Variants in SPATA9 observed in about 807,000 individuals in gnomAD.
SPATA9 encodes the protein spermatogenesis-associated protein 9.
In SPATA9, 27 loss-of-function variants were observed where a neutral mutation model predicts 25.5. The observed-to-expected ratio is 1.06, with a 90% CI of 0.78 to 1.46. The LOEUF (loss-of-function observed/expected upper bound fraction) is 1.46. SPATA9 is among the 40% of genes most tolerant of loss of function. The probability of loss-of-function intolerance (pLI) is 0.00; values close to 1 mark genes in which losing one functional copy is unlikely to be tolerated. For synonymous variants in SPATA9, 102 were observed against 105.7 expected (o/e 0.97, Z 0.21); for missense variants, 282 against 297.5 (o/e 0.95, Z 0.38).
Position 95,662,513 on chromosome 5 carries a change from C to T in SPATA9, c.474+1440G>A, listed in dbSNP as rs760284004. On this transcript the variant is annotated intron_variant, in intron 4 of 4. Transcript: ENST00000274432. ...GGTATCCTCCTGCTTCAGCCTCCCC[C>T]GTCAGCCTCCTGAGTAGCAGGGATT... Among the ~76,000 whole-genome samples the T allele has an allele frequency of 5.3e-4, 81 of 152,114 alleles. 2 individuals carry two copies. Among genetic ancestry groups the T allele is most frequent in the South Asian group, 2.1e-4 (1 of 4,826 alleles).
chr5:95,679,322 A>G (rs1227849174), intron 2 of SPATA9, among the ~76,000 whole-genome samples: 1 of 152,218 alleles, frequency 6.6e-6, no homozygotes, highest in Non-Finnish European at 1.5e-5. Flanking sequence ...CCAGGCATGT[A>G]CATCTGCCCA....
chr5:95,715,614 G>A, the SPATA9 span, among the ~76,000 whole-genome samples: 8 of 152,260 alleles, frequency 5.3e-5, no homozygotes, highest in Non-Finnish European at 8.8e-5. Context: ...ATACCTACAT[G>A]TGAGAGGCAA....
downstream of SPATA9, chr5:95,652,964 C>A: frequency 1.9e-6 from 2 of 1,030,976 alleles, no homozygotes; most frequent in South Asian, 1.8e-5. Context: ...TCTTCAGTGG[C>A]TTTCCTTTGC....
downstream of SPATA9, among the ~76,000 whole-genome samples, chr5:95,654,557 T>C (rs1284721559): frequency 6.6e-6 from 1 of 152,226 alleles, no homozygotes; most frequent in Non-Finnish European, 1.5e-5. Context: ...TCTATGGCCA[T>C]AATTGCACGG....
the SPATA9 span, chr5:95,731,793 G>T: frequency 6.2e-7 from 1 of 1,602,962 alleles, no homozygotes; most frequent in East Asian, 2.2e-5. Flanking sequence ...CGCACTTCCT[G>T]TTCCGAGGAG....
chr5:95,654,597 A>T (rs544271762), downstream of SPATA9, among the ~76,000 whole-genome samples: 1 of 152,304 alleles, frequency 6.6e-6, no homozygotes, highest in African/African-American at 2.4e-5. Flanking sequence ...GGAATGATTC[A>T]TTGTAGCATT....
chr5:95,663,941 T>G lies in SPATA9; in HGVS notation c.474+12A>C, dbSNP rs778871136. ...GATTTATTTCTAGATTCTAATAATT[T>G]TCTTAACTTACCAAATAAATTAGTG... On this transcript the variant is annotated intron_variant, in intron 4 of 4. Coordinates refer to ENST00000274432, the MANE Select transcript of SPATA9 (RefSeq NM_031952.4). 2.7e-5 allele frequency: 39 copies of G among 1,448,860 alleles called. No individual in the cohort carries two copies. The highest frequency in any genetic ancestry group is 3.5e-5 in the Non-Finnish European group (37 of 1,062,938). 89.8% of individuals were successfully genotyped at this position (1,448,860 alleles called of 1,614,324 possible). A position where few individuals can be genotyped will look rare whatever the true frequency, so the allele number is the denominator to read the frequency against.
downstream of SPATA9, chr5:95,656,481 C>A (rs1200993100): frequency 2.4e-5 from 13 of 536,102 alleles, no homozygotes; most frequent in Middle Eastern, 9.3e-4. Flanking sequence ...TAAGGATTAT[C>A]ATCAGGATCA....
intron 1 of SPATA9, among the ~76,000 whole-genome samples, chr5:95,697,771 G>A (rs774052414): frequency 1.1e-4 from 17 of 152,124 alleles, no homozygotes; most frequent in Non-Finnish European, 2.1e-4. Context: ...TGACAGACTC[G>A]CTTCTTTTAC....
intron 3 of SPATA9, among the ~76,000 whole-genome samples, chr5:95,664,869 T>C (rs1267845531): frequency 6.6e-6 from 1 of 152,136 alleles, no homozygotes; most frequent in African/African-American, 2.4e-5. Flanking sequence ...AAATGCATGG[T>C]AAAAACATGC....
downstream of SPATA9, chr5:95,652,906 G>C (rs1750442127): frequency 3.3e-6 from 2 of 601,800 alleles, no homozygotes; most frequent in South Asian, 2.6e-5. Flanking sequence ...CACAGAGCCG[G>C]GAGCATTCTT....
chr5:95,676,525 A>G (rs1330182127), intron 2 of SPATA9, among the ~76,000 whole-genome samples: 1 of 152,136 alleles, frequency 6.6e-6, no homozygotes, highest in Non-Finnish European at 1.5e-5. Context: ...TCTTTGTCAT[A>G]GGCAATTATA....
intron 2 of SPATA9, among the ~76,000 whole-genome samples, chr5:95,676,571 G>A (rs1752967685): frequency 6.6e-6 from 1 of 152,030 alleles, no homozygotes; most frequent in African/African-American, 2.4e-5. Flanking sequence ...TGTCAAACTA[G>A]CCTGTCAGAA....
the SPATA9 span, among the ~76,000 whole-genome samples, chr5:95,722,960 C>T: frequency 6.6e-6 from 1 of 152,156 alleles, no homozygotes; most frequent in Non-Finnish European, 1.5e-5. Context: ...TAAAACCAAA[C>T]AGTTGTTTTA....
At chr5:95,676,233 G>T (rs190507570) in intron 2 of SPATA9, among the ~76,000 whole-genome samples, 484 of 152,214 alleles carry the variant, frequency 3.2e-3, no homozygotes, top group Non-Finnish European at 5.2e-3. Context: ...CATATTTTGT[G>T]TACTGAATTT....
At position 95,696,925 on chromosome 5, in the gene SPATA9, G is replaced by A. The variant is rs571709530; in HGVS notation, n.124+1663C>T. 1.0e-3 allele frequency among the ~76,000 whole-genome samples: 152 copies of A among 152,226 alleles called. 1 individual carries two copies. Among genetic ancestry groups the A allele is most frequent in the African/African-American group, 3.5e-3 (145 of 41,542 alleles). On this transcript the variant is annotated intron_variant and non_coding_transcript_variant, in intron 1 of 2. Coordinates refer to the SPATA9 transcript ENST00000379990. ...GGTGCAACCTAAATACCATATCAGT[G>A]AACTTTTTATGTTCTGTTACATTAA...
chr5:95,656,818 A>G (rs1271306306), downstream of SPATA9: 1 of 152,742 alleles, frequency 6.5e-6, no homozygotes, highest in Non-Finnish European at 1.5e-5. Context: ...TGGATTTGCT[A>G]CCTCTCCTAT....
At chr5:95,690,802 G>T (rs1753862241) in intron 1 of SPATA9, among the ~76,000 whole-genome samples, 1 of 152,088 alleles carries the variant, frequency 6.6e-6, no homozygotes, top group Non-Finnish European at 1.5e-5. Flanking sequence ...TCAAACTATA[G>T]TGAAGCCAAT....
chr5:95,678,592 C>T lies in SPATA9; in HGVS notation c.151-2953G>A, dbSNP rs914579013. On this transcript the variant is annotated intron_variant, in intron 2 of 4. Coordinates refer to ENST00000274432, the MANE Select transcript of SPATA9 (RefSeq NM_031952.4). ...CGTAAATAAATACATGCCTGGGTGGCGCGGGGGAGGGGAGGAAGATTTAAA... is the reference window on the plus strand; with the variant it reads ...CGTAAATAAATACATGCCTGGGTGGTGCGGGGGAGGGGAGGAAGATTTAAA... Among the ~76,000 whole-genome samples, 7 of 152,012 alleles carry T rather than the reference C, an allele frequency of 4.6e-5. No homozygotes were observed. In the South Asian group the frequency reaches 8.3e-4, roughly 18 times the overall value.
Sources: gnomAD v4.1 joint callset for allele counts (sites outside exome capture counted in the v4.1 genomes callset) on GRCh38, gnomAD v4.1.1 for gene constraint, MANE v1.5 for transcripts, NCBI Gene and HGNC (gene_info 2026-07-23, HGNC 2026-07-21) for gene names.